Variants in MCHR2 observed in about 807,000 individuals in gnomAD.
MCHR2 encodes melanin-concentrating hormone receptor 2.
MCHR2 carries 15 observed loss-of-function variants against 24.8 expected under a neutral mutation model. That is an observed-to-expected ratio of 0.60 (90% CI 0.40 to 0.93). The LOEUF (loss-of-function observed/expected upper bound fraction) is 0.93, where lower values mean the gene tolerates loss of function less well. Among genes scored for constraint, MCHR2 ranks in the 40% least tolerant of loss-of-function variants. The pLI is 0.00. For missense variants in MCHR2, 386 were observed against 408.7 expected (o/e 0.94, Z 0.48); for synonymous variants, 151 against 147.6 (o/e 1.02, Z -0.17).
chr6:99,933,533 A>C (rs1774588099), intron 5 of MCHR2, among the ~76,000 whole-genome samples: 1 of 152,102 alleles, frequency 6.6e-6, no homozygotes. Context: ...AATTCCAAGA[A>C]ACTAAGTGGG....
At position 99,970,289 on chromosome 6, in the gene MCHR2, T is replaced by C. The variant is rs1361502853; in HGVS notation, c.-27-14115A>G. On this transcript the variant is annotated intron_variant, in intron 1 of 5. Coordinates refer to ENST00000281806, the MANE Select transcript of MCHR2 (RefSeq NM_001040179.2). ...AGATGGTATCTCATTGTGGTTTTGA[T>C]TTGCATTTCTCTGATGGCCAGTGAT... Among the ~76,000 whole-genome samples the C allele has an allele frequency of 2.0e-5, 3 of 152,218 alleles. No individual in the cohort carries two copies. In the East Asian group the frequency reaches 5.8e-4, roughly 29 times the overall value.
At chr6:99,929,268 A>C (rs569801362) in intron 5 of MCHR2, among the ~76,000 whole-genome samples, 1 of 152,214 alleles carries the variant, frequency 6.6e-6, no homozygotes, top group Non-Finnish European at 1.5e-5. Flanking sequence ...GTATGTGGTC[A>C]ATTTTGGAAT....
chr6:99,991,576 G>C (rs1775876242), intron 1 of MCHR2, among the ~76,000 whole-genome samples: 1 of 152,076 alleles, frequency 6.6e-6, no homozygotes, highest in Non-Finnish European at 1.5e-5. Flanking sequence ...GGGAGGCCGA[G>C]GCAGGTGGAT....
chr6:99,944,190 GA>G (rs1238390562), intron 3 of MCHR2, among the ~76,000 whole-genome samples: 2 of 151,430 alleles, frequency 1.3e-5, no homozygotes, highest in Non-Finnish European at 3.0e-5. Context: ...TTAGGGCCAG[GA>G]AAAAAGGGGT....
chr6:99,982,942 GT>G (rs1299545048), intron 1 of MCHR2, among the ~76,000 whole-genome samples: 1 of 151,836 alleles, frequency 6.6e-6, no homozygotes, highest in East Asian at 1.9e-4. Context: ...TGATGTTTTT[GT>G]TTTTTTGTTT....
intron 2 of MCHR2, among the ~76,000 whole-genome samples, chr6:99,948,615 C>A (rs1205996041): frequency 6.6e-6 from 1 of 152,116 alleles, no homozygotes; most frequent in East Asian, 1.9e-4. Context: ...GACCATTGGA[C>A]ACACGTGAGA....
At chr6:99,921,305 A>G (rs1302188915) in intron 5 of MCHR2, 50 bp from the exon 6 acceptor site, 2 of 1,535,120 alleles carry the variant, frequency 1.3e-6, no homozygotes, top group Non-Finnish European at 1.8e-6. Flanking sequence ...CATAGAAATT[A>G]TGGGGCAATG....
At chr6:99,980,363 G>A (rs763672679) in intron 1 of MCHR2, among the ~76,000 whole-genome samples, 2 of 152,174 alleles carry the variant, frequency 1.3e-5, no homozygotes, top group Non-Finnish European at 2.9e-5. Flanking sequence ...GGTCAGGGCA[G>A]GCTGAGATGG....
chr6:99,990,398 T>C (rs1775851341), intron 1 of MCHR2, among the ~76,000 whole-genome samples: 1 of 152,170 alleles, frequency 6.6e-6, no homozygotes, highest in Admixed American at 6.5e-5. Context: ...TATGTGTGTG[T>C]GTGTATTCAT....
At chr6:99,930,132 AAAATTCTTTTCTTTAAG>A (rs1774480154) in intron 5 of MCHR2, among the ~76,000 whole-genome samples, 1 of 151,836 alleles carries the variant, frequency 6.6e-6, no homozygotes, top group East Asian at 1.9e-4. Flanking sequence ...TTCTGGGTTG[AAAATTCTTTTCTTTAAG>A]AATGTTGAAT....
At chr6:99,971,543 A>G (rs1582402642) in intron 1 of MCHR2, among the ~76,000 whole-genome samples, 2 of 152,094 alleles carry the variant, frequency 1.3e-5, no homozygotes, top group Admixed American at 1.3e-4. Context: ...CTAATTGAAT[A>G]CCCTTTATTT....
chr6:99,990,966 A>T (rs1352224210), intron 1 of MCHR2, among the ~76,000 whole-genome samples: 1 of 149,166 alleles, frequency 6.7e-6, no homozygotes, highest in Non-Finnish European at 1.5e-5. Context: ...CTCCTGCTTT[A>T]TTTGGAGGGG....
chr6:99,930,656 C>T (rs1008872027), intron 5 of MCHR2, among the ~76,000 whole-genome samples: 31 of 152,186 alleles, frequency 2.0e-4, no homozygotes, highest in Admixed American at 6.5e-5. Context: ...CTGCATTCTT[C>T]ACGTAGTTTT....
At chr6:99,944,920 C>G (rs888630012) in intron 3 of MCHR2, among the ~76,000 whole-genome samples, 1 of 152,258 alleles carries the variant, frequency 6.6e-6, no homozygotes, top group Admixed American at 6.5e-5. Flanking sequence ...CTTCCCCTTT[C>G]AAGGTTAGGC....
chr6:99,939,706 G>A (rs1483352077), intron 4 of MCHR2, among the ~76,000 whole-genome samples: 1 of 150,574 alleles, frequency 6.6e-6, no homozygotes, highest in African/African-American at 2.4e-5. Context: ...TTGCACATTA[G>A]TGTTTTTTTT....
intron 5 of MCHR2, among the ~76,000 whole-genome samples, chr6:99,922,288 A>G (rs1582363614): frequency 6.6e-6 from 1 of 151,918 alleles, no homozygotes; most frequent in African/African-American, 2.4e-5. Context: ...TTGTATTTTT[A>G]GTAAGAGACA....
rs549745095 is a variant in MCHR2 at position 99,960,230 on chromosome 6, C to G, written c.-27-4056G>C. Among the ~76,000 whole-genome samples, 22 of 152,090 alleles carry G rather than the reference C, an allele frequency of 1.4e-4. No individual in the cohort carries two copies. In the South Asian group the frequency reaches 4.6e-3, roughly 32 times the overall value. On this transcript the variant is annotated intron_variant, in intron 1 of 5. Coordinates refer to ENST00000281806, the MANE Select transcript of MCHR2 (RefSeq NM_001040179.2). ...AACTGTCAACCAAGAATACTATGTC[C>G]AGCAAAAATATTCTTTGAAAATTAA... is the stretch of plus-strand genomic sequence containing the variant.
intron 1 of MCHR2, among the ~76,000 whole-genome samples, chr6:99,989,382 T>G (rs1180919742): frequency 6.6e-6 from 1 of 152,206 alleles, no homozygotes; most frequent in Non-Finnish European, 1.5e-5. Flanking sequence ...GTTAAGTACC[T>G]TATGTACATT....
chr6:99,964,729 T>C (rs1269902768), intron 1 of MCHR2, among the ~76,000 whole-genome samples: 1 of 152,014 alleles, frequency 6.6e-6, no homozygotes, highest in Non-Finnish European at 1.5e-5. Flanking sequence ...AGCCAAACCA[T>C]ATAACTGAAA....
Sources: gnomAD v4.1 joint callset for allele counts (sites outside exome capture counted in the v4.1 genomes callset) on GRCh38, gnomAD v4.1.1 for gene constraint, MANE v1.5 for transcripts, NCBI Gene and HGNC (gene_info 2026-07-23, HGNC 2026-07-21) for gene names.